Variants in TMLHE observed in about 807,000 individuals in gnomAD.
The protein encoded by TMLHE is trimethyllysine hydroxylase, epsilon, also known as trimethyllysine dioxygenase, mitochondrial.
TMLHE carries 18 observed loss-of-function variants against 25.7 expected under a neutral mutation model. The ratio of observed to expected loss-of-function variants is 0.70; its 90% CI spans 0.48 to 1.04. TMLHE has a LOEUF of 1.04. Among genes scored for constraint, TMLHE ranks in the 50% least tolerant of loss-of-function variants. The pLI, the probability that TMLHE is intolerant of heterozygous loss-of-function variation, is 0.00. For missense variants in TMLHE, 236 were observed against 259.0 expected, an observed-to-expected ratio of 0.91 and a Z score of 0.61; for synonymous variants, 105 against 97.0, an observed-to-expected ratio of 1.08 and a Z score of -0.49.
intron 6 of TMLHE, among the ~76,000 whole-genome samples, chrX:155,505,645 A>T (rs2067071821): frequency 9.0e-6 from 1 of 111,108 alleles, no homozygotes; most frequent in Middle Eastern, 4.2e-3. Context: ...CTGCCTCTTC[A>T]CCCCATATCT....
intron 1 of TMLHE, among the ~76,000 whole-genome samples, chrX:155,545,827 G>A (rs1342912383): frequency 9.0e-6 from 1 of 111,169 alleles, no homozygotes; most frequent in Non-Finnish European, 1.9e-5. Flanking sequence ...CATATAGCCT[G>A]GACGTGTAGT....
Position 155,540,700 on chromosome X carries a change from A to G in TMLHE, c.181+4396T>C, listed in dbSNP as rs145765031. On this transcript the variant is annotated intron_variant, in intron 2 of 7. Coordinates refer to ENST00000334398, the MANE Select transcript of TMLHE (RefSeq NM_018196.4). The stretch of plus-strand genomic sequence containing the variant: ...TTAAAAACAAAAGTAACAAATAATT[A>G]TAGATCTATGTTAATGGATGCACAT... Among the ~76,000 whole-genome samples, 476 of 112,038 alleles carry G rather than the reference A, an allele frequency of 4.2e-3. 4 individuals are homozygous for G. The highest frequency in any genetic ancestry group is 0.015 in the African/African-American group (458 of 30,918).
At chrX:155,546,653 C>T (rs1557338721) in intron 1 of TMLHE, among the ~76,000 whole-genome samples, 9 of 111,122 alleles carry the variant, frequency 8.1e-5, no homozygotes, top group Non-Finnish European at 1.9e-5. Context: ...ATTTACTAAT[C>T]ACTAGGGAGC....
chrX:155,602,146 T>A (rs782604477), intron 1 of TMLHE, among the ~76,000 whole-genome samples: 1 of 111,402 alleles, frequency 9.0e-6, no homozygotes, highest in Non-Finnish European at 1.9e-5. Flanking sequence ...CTTAACAAGA[T>A]GTTAGCAAAT....
chrX:155,512,965 T>G (rs1288857992), intron 4 of TMLHE, among the ~76,000 whole-genome samples: 1 of 111,772 alleles, frequency 8.9e-6, no homozygotes, highest in African/African-American at 3.3e-5. Flanking sequence ...TCTTATTTTC[T>G]GAACCCTTGA....
At chrX:155,522,355 C>G (rs991097992) in intron 3 of TMLHE, among the ~76,000 whole-genome samples, 2 of 111,792 alleles carry the variant, frequency 1.8e-5, no homozygotes, top group African/African-American at 6.5e-5. Context: ...AACCACACTA[C>G]AATACCCAAA....
chrX:155,557,039 T>A (rs1166245734), intron 1 of TMLHE, among the ~76,000 whole-genome samples: 1 of 112,361 alleles, frequency 8.9e-6, no homozygotes, highest in African/African-American at 3.2e-5. Flanking sequence ...ACTGCTGTTA[T>A]CCTGTTCTTT....
rs2075357619 is a variant in TMLHE, at chrX:155,489,970, C to G, written c.*1565G>C. The stretch of plus-strand genomic sequence containing the variant: ...CATCCTAGCCTATATTCTCTTTCAT[C>G]ATTCTACAGTGGTCAATGTGGTTAT... On this transcript the variant is annotated 3_prime_UTR_variant, in exon 8 of 8. Coordinates refer to ENST00000334398, the MANE Select transcript of TMLHE (RefSeq NM_018196.4). 3.5e-5 allele frequency: 1 copy of G among 28,396 alleles called. No individual in the cohort carries two copies. The highest frequency in any genetic ancestry group is 7.1e-5 in the Non-Finnish European group (1 of 14,025). The allele number at this position is 28,396 out of a possible 1,213,427, so 2.3% of individuals were successfully genotyped here. A position where few individuals can be genotyped will look rare whatever the true frequency, so the allele number is the denominator to read the frequency against.
At position 155,552,143 on chromosome X, in the gene TMLHE, G is replaced by C. The variant is rs1603054811; in HGVS notation, c.-1-6866C>G. On this transcript the variant is annotated intron_variant, in intron 1 of 7. Coordinates refer to ENST00000334398, the MANE Select transcript of TMLHE (RefSeq NM_018196.4). ...CATCACTGTTTACAATTTTCTAATA[G>C]TTTGTTCGAAATTTTGCATCTATAT... Among the ~76,000 whole-genome samples, 4 of 109,599 alleles carry C rather than the reference G, an allele frequency of 3.6e-5. No individual in the cohort carries two copies. The South Asian group carries it at 1.5e-3, about 42-fold the overall frequency.
At chrX:155,539,796 T>A (rs1325818338) in intron 2 of TMLHE, among the ~76,000 whole-genome samples, 1 of 110,029 alleles carries the variant, frequency 9.1e-6, no homozygotes, top group East Asian at 2.9e-4. Context: ...CTAAACAAAA[T>A]TAGGAAACTG....
At position 155,585,218 on chromosome X, in the gene TMLHE, A is replaced by G. The variant is rs782277498; in HGVS notation, c.-2+27574T>C. ...ATGGTCCAACTGTATGCTGCCTCCAAGAAGAGCACTTTACCTGCAAGGATA... is the reference window on the plus strand; with the variant it reads ...ATGGTCCAACTGTATGCTGCCTCCAGGAAGAGCACTTTACCTGCAAGGATA... On this transcript the variant is annotated intron_variant, in intron 1 of 7. Coordinates refer to ENST00000334398, the MANE Select transcript of TMLHE (RefSeq NM_018196.4). 3.1e-4 allele frequency among the ~76,000 whole-genome samples: 35 copies of G among 111,697 alleles called. 1 individual carries two copies. In the South Asian group the frequency reaches 0.012, roughly 38 times the overall value.
chrX:155,553,570 C>A (rs1232453545), intron 1 of TMLHE, among the ~76,000 whole-genome samples: 1 of 109,520 alleles, frequency 9.1e-6, no homozygotes, highest in Non-Finnish European at 1.9e-5. Context: ...TTTTATATAT[C>A]TCTTATAAAC....
At chrX:155,595,638 C>A (rs1313791276) in intron 1 of TMLHE, among the ~76,000 whole-genome samples, 1 of 112,300 alleles carries the variant, frequency 8.9e-6, no homozygotes, top group African/African-American at 3.2e-5. Flanking sequence ...GCTGTGGCTG[C>A]AGCTATGCCA....
chrX:155,562,864 T>C (rs1208958820), intron 1 of TMLHE, among the ~76,000 whole-genome samples: 4 of 62,361 alleles, frequency 6.4e-5, no homozygotes, highest in African/African-American at 1.1e-4. Context: ...GTCTCTTTGC[T>C]AAAGCATAGC....
intron 1 of TMLHE, among the ~76,000 whole-genome samples, chrX:155,589,080 CCT>C (rs2067680706): frequency 8.9e-6 from 1 of 111,853 alleles, no homozygotes; most frequent in African/African-American, 3.2e-5. Flanking sequence ...ATAGAATAAA[CCT>C]AAGTGTCTAT....
intron 1 of TMLHE, among the ~76,000 whole-genome samples, chrX:155,607,131 T>A (rs1486310418): frequency 1.8e-5 from 2 of 111,721 alleles, no homozygotes; most frequent in Non-Finnish European, 3.8e-5. Flanking sequence ...GCCAGTATCA[T>A]GCTGATACCA....
chrX:155,585,406 C>A (rs1057229761), intron 1 of TMLHE, among the ~76,000 whole-genome samples: 2 of 69,399 alleles, frequency 2.9e-5, no homozygotes, highest in East Asian at 1.0e-3. Flanking sequence ...ATAAATTATA[C>A]ACACACACAA....
At chrX:155,547,449 G>C (rs1317250806) in intron 1 of TMLHE, among the ~76,000 whole-genome samples, 5 of 111,743 alleles carry the variant, frequency 4.5e-5, no homozygotes, top group African/African-American at 1.6e-4. Context: ...AGCTATAATA[G>C]GTACTTTCTT....
intron 2 of TMLHE, among the ~76,000 whole-genome samples, chrX:155,533,369 A>G (rs868976216): frequency 1.4e-5 from 1 of 72,677 alleles, no homozygotes; most frequent in Non-Finnish European, 2.9e-5. Flanking sequence ...ATGCACACAC[A>G]CGTGCACACG....
Sources: gnomAD v4.1 joint callset for allele counts (sites outside exome capture counted in the v4.1 genomes callset) on GRCh38, gnomAD v4.1.1 for gene constraint, MANE v1.5 for transcripts, NCBI Gene and HGNC (gene_info 2026-07-23, HGNC 2026-07-21) for gene names.